Variants in PDE9A observed in about 807,000 individuals in gnomAD.
The protein encoded by PDE9A is high affinity cGMP-specific 3',5'-cyclic phosphodiesterase 9A.
A neutral mutation model predicts 87.4 loss-of-function variants in PDE9A; 60 were observed. That is an observed-to-expected ratio of 0.69 (90% CI 0.56 to 0.85). PDE9A has a LOEUF of 0.85. PDE9A is among the 40% of genes least tolerant of loss of function. PDE9A has a pLI of 0.00. For synonymous variants in PDE9A, 272 were observed against 279.4 expected (o/e 0.97, Z 0.27); for missense variants, 665 against 779.0 (o/e 0.85, Z 1.74).
intron 4 of PDE9A, among the ~76,000 whole-genome samples, chr21:42,728,133 CATTT>C (rs1280750926): frequency 6.6e-6 from 1 of 152,304 alleles, no homozygotes; most frequent in African/African-American, 2.4e-5. Context: ...CTTTACATAA[CATTT>C]ACATTGTATT....
chr21:42,764,134 C>T (rs939830546), intron 14 of PDE9A, among the ~76,000 whole-genome samples: 3 of 152,146 alleles, frequency 2.0e-5, no homozygotes, highest in Non-Finnish European at 4.4e-5. Flanking sequence ...GTGATGGCCC[C>T]GGGAGGAGCG....
Position 42,770,855 on chromosome 21 carries a change from C to T in PDE9A, c.1686+57C>T, listed in dbSNP as rs562508806. Reference sequence around the variant, plus strand: ...TGCGGCAAGCAGGCACGCTGCCCTCCGCACTCCCGACTCCAGAAGCTTGGA... The same window carrying T: ...TGCGGCAAGCAGGCACGCTGCCCTCTGCACTCCCGACTCCAGAAGCTTGGA... On this transcript the variant is annotated intron_variant, in intron 18 of 19. Coordinates refer to ENST00000291539, the MANE Select transcript of PDE9A (RefSeq NM_002606.3). 182 of 1,335,836 alleles carry T rather than the reference C, an allele frequency of 1.4e-4. 1 individual carries two copies. The African/African-American group carries it at 2.0e-3, about 15-fold the overall frequency. 82.7% of individuals were successfully genotyped at this position (1,335,836 alleles called of 1,614,324 possible).
chr21:42,772,631 A>G lies in PDE9A; in HGVS notation c.1768+111A>G, dbSNP rs2057125017. 4 of 764,994 alleles carry G rather than the reference A, an allele frequency of 5.2e-6. No homozygotes were observed. In the South Asian group the frequency reaches 6.7e-5, roughly 13 times the overall value. 47.4% of individuals were successfully genotyped at this position (764,994 alleles called of 1,614,324 possible). A position where few individuals can be genotyped will look rare whatever the true frequency, so the allele number is the denominator to read the frequency against. On this transcript the variant is annotated intron_variant, in intron 19 of 19. Coordinates refer to ENST00000291539, the MANE Select transcript of PDE9A (RefSeq NM_002606.3). ...TGAATTTTGGAATACCTTTAAATGA[A>G]TGGAACTTTTTTTTTTTTTGAAACT...
chr21:42,693,299 CT>C (rs10714757), intron 3 of PDE9A, among the ~76,000 whole-genome samples: 68,585 of 133,070 alleles, frequency 0.52, 17,024 homozygotes, highest in African/African-American at 0.66. Flanking sequence ...ACCCAGGAAT[CT>C]TTTTTTTTTT....
At chr21:42,732,731 A>G (rs1229880908) in intron 6 of PDE9A, among the ~76,000 whole-genome samples, 4 of 152,102 alleles carry the variant, frequency 2.6e-5, no homozygotes, top group Non-Finnish European at 5.9e-5. Flanking sequence ...CCTGACCAAC[A>G]TGGAGAAACC....
At chr21:42,727,077 CAAA>C (rs34249348) in intron 4 of PDE9A, among the ~76,000 whole-genome samples, 10,966 of 81,450 alleles carry the variant, frequency 0.13, 223 homozygotes, top group East Asian at 0.31. Context: ...TCTATTTCTA[CAAA>C]AAAAAAAAAA....
At chr21:42,743,674 A>G (rs2053544960) in intron 7 of PDE9A, 102 bp from the exon 8 acceptor site, 1 of 735,418 alleles carries the variant, frequency 1.4e-6, no homozygotes, top group Non-Finnish European at 2.4e-6. Flanking sequence ...ACTGAGGTAT[A>G]TTCCTCCCTG....
chr21:42,766,420 C>T (rs529855903), intron 15 of PDE9A, among the ~76,000 whole-genome samples: 18 of 152,250 alleles, frequency 1.2e-4, no homozygotes, highest in African/African-American at 4.3e-4. Flanking sequence ...ATCAGGTGCA[C>T]CCCTGGCATT....
Position 42,761,349 on chromosome 21 carries a change from G to C in PDE9A, c.1085+442G>C, listed in dbSNP as rs376536978. Among the ~76,000 whole-genome samples, 8 of 152,356 alleles carry C rather than the reference G, an allele frequency of 5.3e-5. No individual in the cohort carries two copies. In the East Asian group the frequency reaches 1.2e-3, roughly 22 times the overall value. ...GCAGGAGCCAGAAGAGAGCAGAAGA[G>C]GGGGAGAAGAGGGACTGCAGAGGGA... On this transcript the variant is annotated intron_variant, in intron 13 of 19. Transcript: ENST00000291539.
chr21:42,738,043 G>A (rs1054235025), intron 7 of PDE9A, among the ~76,000 whole-genome samples: 5 of 152,168 alleles, frequency 3.3e-5, no homozygotes, highest in African/African-American at 1.2e-4. Flanking sequence ...CTCATGTCCT[G>A]GCTGGAGGTG....
intron 1 of PDE9A, among the ~76,000 whole-genome samples, chr21:42,663,010 C>A (rs1382355506): frequency 6.7e-6 from 1 of 148,424 alleles, no homozygotes; most frequent in Admixed American, 6.7e-5. Flanking sequence ...ACACGCACAC[C>A]ACACACACGC....
intron 8 of PDE9A, among the ~76,000 whole-genome samples, chr21:42,749,402 C>A (rs560295601): frequency 6.6e-6 from 1 of 152,094 alleles, no homozygotes; most frequent in Non-Finnish European, 1.5e-5. Context: ...GGGTGTGAAC[C>A]CAGATCGGCC....
At chr21:42,697,440 C>T (rs374820482) in intron 3 of PDE9A, 28 of 1,612,062 alleles carry the variant, frequency 1.7e-5, no homozygotes, top group East Asian at 8.9e-5. Context: ...CTATACATCA[C>T]TCCGTAACTT....
intron 7 of PDE9A, among the ~76,000 whole-genome samples, chr21:42,743,448 G>C (rs2053516771): frequency 6.6e-6 from 1 of 152,228 alleles, no homozygotes; most frequent in African/African-American, 2.4e-5. Flanking sequence ...TGGTGCTTAG[G>C]GGTATGGAGC....
intron 10 of PDE9A, among the ~76,000 whole-genome samples, chr21:42,754,788 C>T (rs2054846212): frequency 6.6e-6 from 1 of 152,146 alleles, no homozygotes; most frequent in Admixed American, 6.5e-5. Context: ...TTGCCTGCCG[C>T]CATTTAAGTG....
intron 3 of PDE9A, chr21:42,689,962 C>T (rs1230286518): frequency 3.0e-6 from 3 of 984,002 alleles, no homozygotes; most frequent in Non-Finnish European, 3.6e-6. Flanking sequence ...TGGAGACACA[C>T]GCGGATGAGG....
intron 1 of PDE9A, among the ~76,000 whole-genome samples, chr21:42,670,195 T>C (rs199661474): frequency 1.4e-5 from 2 of 144,430 alleles, no homozygotes; most frequent in Middle Eastern, 3.6e-3. Flanking sequence ...TTACACACAT[T>C]CACACACATA....
Position 42,696,902 on chromosome 21 carries a change from A to G in PDE9A, c.219-2066A>G, listed in dbSNP as rs2060172250. On this transcript the variant is annotated intron_variant, in intron 3 of 19. Transcript: ENST00000291539. This position sits in a 1 kb window ranked among gnomAD's most constrained non-coding sequence, Gnocchi z 5.1. ...TGCCCTCTCCACCTGGGGAGCTTGG[A>G]GGACTTTGCTCTGCACTTAGGGCCA... is the stretch of plus-strand genomic sequence containing the variant. 6.6e-6 allele frequency among the ~76,000 whole-genome samples: 1 copy of G among 152,116 alleles called. No individual in the cohort carries two copies. The highest frequency in any genetic ancestry group is 1.9e-4 in the East Asian group (1 of 5,170).
intron 4 of PDE9A, chr21:42,724,619 C>A (rs56956493): frequency 1.0e-6 from 1 of 983,592 alleles, no homozygotes; most frequent in Non-Finnish European, 1.2e-6. Context: ...TGCTGAGTCA[C>A]ATATATTCCA....
Sources: allele counts gnomAD v4.1 joint callset (sites outside exome capture counted in the v4.1 genomes callset), GRCh38; gene constraint gnomAD v4.1.1; non-coding constraint Gnocchi (gnomAD v3.1); transcripts MANE v1.5; gene names NCBI Gene and HGNC (gene_info 2026-07-23, HGNC 2026-07-21).